Variants in GRIK3 observed in about 807,000 individuals in gnomAD.
The protein encoded by GRIK3 is glutamate receptor ionotropic, kainate 3.
GRIK3 carries 29 observed loss-of-function variants against 102.5 expected under a neutral mutation model. That is an observed-to-expected ratio of 0.28 (90% confidence interval 0.21 to 0.39). The LOEUF (loss-of-function observed/expected upper bound fraction) is 0.39, where lower values mean the gene tolerates loss of function less well. GRIK3 is among the 10% of genes least tolerant of loss of function. GRIK3 has a pLI of 1.00. For synonymous variants in GRIK3, 511 were observed against 504.9 expected (o/e 1.01, Z -0.16); for missense variants, 908 against 1,252.4 (o/e 0.73, Z 4.15).
intron 1 of GRIK3, among the ~76,000 whole-genome samples, chr1:37,003,214 T>C (rs1481508732): frequency 6.6e-6 from 1 of 152,160 alleles, no homozygotes; most frequent in African/African-American, 2.4e-5. Flanking sequence ...CTTTCTAGTT[T>C]ATATTTTTCC....
At chr1:36,927,492 C>T (rs1443506251) in intron 1 of GRIK3, among the ~76,000 whole-genome samples, 1 of 152,082 alleles carries the variant, frequency 6.6e-6, no homozygotes, top group East Asian at 1.9e-4. Flanking sequence ...CAAGGAACTG[C>T]CAGTGTCCTA....
At chr1:36,976,419 T>C (rs919189625) in intron 1 of GRIK3, among the ~76,000 whole-genome samples, 5 of 152,160 alleles carry the variant, frequency 3.3e-5, no homozygotes, top group Middle Eastern at 3.2e-3. Flanking sequence ...GAAAAACCTT[T>C]GTGACCTCTT....
In GRIK3 at chr1:36,825,838, C is replaced by A; in HGVS notation, c.1531-12G>T. On this transcript the variant is annotated splice_polypyrimidine_tract_variant and intron_variant, in intron 10 of 15. Coordinates refer to ENST00000373091, the MANE Select transcript of GRIK3 (RefSeq NM_000831.4). ...GCCAGATCTGCCTTCTGCAACCAGA[C>A]AGAGAGAGAAAGACAGACTATGAGC... 1 of 1,585,004 alleles carries A rather than the reference C, an allele frequency of 6.3e-7. No homozygotes were observed.
intron 1 of GRIK3, among the ~76,000 whole-genome samples, chr1:36,925,279 C>T (rs550716158): frequency 9.2e-5 from 14 of 152,338 alleles, no homozygotes; most frequent in South Asian, 6.2e-4. Flanking sequence ...CAGACACACA[C>T]GGCACACACA....
intron 1 of GRIK3, among the ~76,000 whole-genome samples, chr1:36,965,757 C>G (rs1376220486): frequency 1.3e-5 from 2 of 152,146 alleles, no homozygotes; most frequent in Admixed American, 6.6e-5. Context: ...TGTGGAACCT[C>G]AATTCCCTAA....
chr1:36,848,952 A>G (rs1640550158), intron 9 of GRIK3, among the ~76,000 whole-genome samples: 1 of 151,948 alleles, frequency 6.6e-6, no homozygotes, highest in African/African-American at 2.4e-5. Context: ...AGAGGGGGAC[A>G]GGTGTCCCCT....
At chr1:36,892,431 A>C (rs756924281) in intron 1 of GRIK3, among the ~76,000 whole-genome samples, 1 of 152,032 alleles carries the variant, frequency 6.6e-6, no homozygotes. Context: ...TGAAGCCAAG[A>C]GTTCAAGACC....
In GRIK3 at chr1:36,841,915, T is replaced by C; in HGVS notation, c.1351A>G (p.Lys451Glu). 1 of 1,614,162 alleles carries C rather than the reference T, an allele frequency of 6.2e-7. No individual in the cohort carries two copies. The highest frequency in any genetic ancestry group is 8.5e-7 in the Non-Finnish European group (1 of 1,180,024). Reference sequence around the variant, plus strand: ...TTCCCGTATAGCGTCCTGTCTGATTTCCGAAACATGACGAAGGGCTCCTCC... The same window carrying C: ...TTCCCGTATAGCGTCCTGTCTGATTCCCGAAACATGACGAAGGGCTCCTCC... ...VLEEPFVMFR[K>E]SDRTLYGNDR... Residue 451 changes from lysine to glutamate, a missense_variant, in exon 10 of 16, where the codon AAA (lysine) becomes GAA (glutamate). Transcript: ENST00000373091.
At chr1:36,854,991 C>CT (rs1231848772) in intron 7 of GRIK3, among the ~76,000 whole-genome samples, 1 of 152,204 alleles carries the variant, frequency 6.6e-6, no homozygotes, top group Non-Finnish European at 1.5e-5. Flanking sequence ...CCTCCAGGAA[C>CT]TTAGGACGGC....
At chr1:36,893,058 G>A (rs1641134717) in intron 1 of GRIK3, among the ~76,000 whole-genome samples, 1 of 152,070 alleles carries the variant, frequency 6.6e-6, no homozygotes. Context: ...AATGGGTAAG[G>A]GGAGGAGCAG....
chr1:36,812,241 C>T (rs576401324), intron 13 of GRIK3, among the ~76,000 whole-genome samples: 2 of 151,976 alleles, frequency 1.3e-5, no homozygotes, highest in South Asian at 2.1e-4. Flanking sequence ...TGCTAGGAAC[C>T]GAGGCTGTGC....
At chr1:37,014,269 C>G (rs1371431938) in intron 1 of GRIK3, among the ~76,000 whole-genome samples, 1 of 152,214 alleles carries the variant, frequency 6.6e-6, no homozygotes, top group Non-Finnish European at 1.5e-5. Context: ...GATCATCAAT[C>G]TATATTCAGC....
intron 1 of GRIK3, among the ~76,000 whole-genome samples, chr1:36,913,910 A>G (rs182667737): frequency 6.6e-6 from 1 of 152,154 alleles, no homozygotes; most frequent in East Asian, 1.9e-4. Flanking sequence ...AACCAACACA[A>G]ATGCTGCCAA....
intron 1 of GRIK3, among the ~76,000 whole-genome samples, chr1:36,940,476 C>T (rs1641706875): frequency 6.6e-6 from 1 of 152,268 alleles, no homozygotes; most frequent in Non-Finnish European, 1.5e-5. Context: ...TTCATTTACC[C>T]ACTTTACCCC....
intron 1 of GRIK3, among the ~76,000 whole-genome samples, chr1:36,968,228 T>C (rs1642101071): frequency 1.1e-5 from 1 of 87,384 alleles, no homozygotes; most frequent in Admixed American, 1.0e-4. Flanking sequence ...TCCGTGTGTG[T>C]GTGTGTGTGT....
chr1:36,938,761 T>A (rs901227631), intron 1 of GRIK3, among the ~76,000 whole-genome samples: 4 of 152,118 alleles, frequency 2.6e-5, no homozygotes, highest in Non-Finnish European at 5.9e-5. Context: ...CTGACCACAG[T>A]GACTGTTGGG....
At chr1:36,855,483 G>C (rs1447679596) in intron 7 of GRIK3, among the ~76,000 whole-genome samples, 2 of 152,192 alleles carry the variant, frequency 1.3e-5, no homozygotes, top group Non-Finnish European at 2.9e-5. Context: ...TTGGGTAAAT[G>C]TGCATATGCA....
chr1:36,920,118 C>T (rs1413705328), intron 1 of GRIK3, among the ~76,000 whole-genome samples: 1 of 152,182 alleles, frequency 6.6e-6, no homozygotes, highest in Non-Finnish European at 1.5e-5. Context: ...ACTGGTCTGT[C>T]CTGAAGCTGG....
intron 11 of GRIK3, among the ~76,000 whole-genome samples, chr1:36,824,766 C>T (rs1294486936): frequency 6.6e-6 from 1 of 151,768 alleles, no homozygotes; most frequent in African/African-American, 2.4e-5. Flanking sequence ...AGCCACCAAC[C>T]CGGGGCAGGG....
Sources: allele counts gnomAD v4.1 joint callset (sites outside exome capture counted in the v4.1 genomes callset), GRCh38; gene constraint gnomAD v4.1.1; transcripts MANE v1.5; gene names NCBI Gene and HGNC (gene_info 2026-07-23, HGNC 2026-07-21).